Variants in AMZ1 observed in about 807,000 individuals in gnomAD.
AMZ1 encodes archaemetzincin-1.
A neutral mutation model predicts 29.9 loss-of-function variants in AMZ1; 39 were observed. The observed-to-expected ratio is 1.30, with a 90% confidence interval of 1.01 to 1.70. The LOEUF (loss-of-function observed/expected upper bound fraction) is 1.70. AMZ1 is among the 40% of genes most tolerant of loss of function. AMZ1 has a pLI of 0.00. For synonymous variants in AMZ1, 458 were observed against 304.0 expected, an observed-to-expected ratio of 1.51 and a Z score of -5.27; for missense variants, 1,041 against 680.6, an observed-to-expected ratio of 1.53 and a Z score of -5.89.
chr7:2,687,912 C>CT (rs1285233080), upstream of AMZ1, among the ~76,000 whole-genome samples: 1 of 152,190 alleles, frequency 6.6e-6, no homozygotes, highest in Non-Finnish European at 1.5e-5. Flanking sequence ...CACCTGGCGC[C>CT]TTGCAGAGTA....
In AMZ1 at chr7:2,702,904, C is replaced by T; in HGVS notation, c.472+15C>T. ...GCTCCACACAGGTGAGTGAGGACGG[C>T]AGCCGCCGCTCAGGCCAAGGCAGGC... On this transcript the variant is annotated intron_variant, in intron 3 of 6. Coordinates refer to ENST00000683327, the MANE Select transcript of AMZ1 (RefSeq NM_001384743.1). 1 of 1,570,732 alleles carries T rather than the reference C, an allele frequency of 6.4e-7. No individual in the cohort carries two copies. The highest frequency in any genetic ancestry group is 8.6e-7 in the Non-Finnish European group (1 of 1,165,420).
At chr7:2,750,148 G>C (rs534951982) in intron 4 of AMZ1, among the ~76,000 whole-genome samples, 1 of 152,252 alleles carries the variant, frequency 6.6e-6, no homozygotes, top group Non-Finnish European at 1.5e-5. Context: ...AGACTCTCCG[G>C]TCTGACATGT....
Position 2,709,670 on chromosome 7 carries a change from G to C in AMZ1, c.802G>C (p.Gly268Arg). Reference sequence around the variant, plus strand: ...GTGCCACGAGCTCTGCCACCTTCTGGGCCTGGGGAACTGCCGCTGGCTCCG... The same window carrying C: ...GTGCCACGAGCTCTGCCACCTTCTGCGCCTGGGGAACTGCCGCTGGCTCCG... ...VTCHELCHLLGLGNCRWLRCL... is the reference protein window; with the variant it reads ...VTCHELCHLLRLGNCRWLRCL... The change falls in exon 6 of 7, where the codon GGC (glycine) becomes CGC (arginine). Residue 268 changes from glycine (G) to arginine (R), a missense_variant. Physicochemically the swap from Gly to Arg is moderately radical, Grantham distance 125 (BLOSUM62 -2). Transcript: ENST00000683327. The C allele has an allele frequency of 6.2e-7, 1 of 1,610,520 alleles. No individual in the cohort carries two copies. Among genetic ancestry groups the C allele is most frequent in the Non-Finnish European group, 8.5e-7 (1 of 1,179,600 alleles).
intron 4 of AMZ1, among the ~76,000 whole-genome samples, chr7:2,738,781 C>T (rs1790343417): frequency 6.6e-6 from 1 of 152,134 alleles, no homozygotes; most frequent in African/African-American, 2.4e-5. Context: ...CCCAATAGGA[C>T]AATAAGGTTA....
intron 1 of AMZ1, among the ~76,000 whole-genome samples, chr7:2,696,981 T>C (rs1220381249): frequency 6.6e-6 from 1 of 152,232 alleles, no homozygotes; most frequent in African/African-American, 2.4e-5. Context: ...ATCACGATCC[T>C]TCAAACATCC....
chr7:2,740,653 T>C (rs1790452426), intron 4 of AMZ1, among the ~76,000 whole-genome samples: 1 of 152,212 alleles, frequency 6.6e-6, no homozygotes, highest in African/African-American at 2.4e-5. Flanking sequence ...AACAACATGT[T>C]AATACTGGGC....
intron 3 of AMZ1, among the ~76,000 whole-genome samples, chr7:2,707,510 T>A (rs1415817046): frequency 6.6e-6 from 1 of 151,888 alleles, no homozygotes; most frequent in Non-Finnish European, 1.5e-5. Context: ...CGTGCCCAGG[T>A]TCAGCCCCTG....
intron 1 of AMZ1, 24 bp downstream of exon 1, chr7:2,688,320 T>C (rs1787172547): frequency 6.7e-6 from 1 of 149,080 alleles, no homozygotes; most frequent in Non-Finnish European, 1.5e-5. Flanking sequence ...CGGGGAAGAC[T>C]CGGGGGCGCA....
upstream of AMZ1, among the ~76,000 whole-genome samples, chr7:2,685,896 A>G (rs1301136437): frequency 1.3e-5 from 2 of 151,034 alleles, no homozygotes; most frequent in African/African-American, 4.9e-5. Flanking sequence ...ATCTTTTCTC[A>G]GGTTCTGGGT....
chr7:2,711,429 G>A (rs561329892), intron 6 of AMZ1, among the ~76,000 whole-genome samples: 2 of 152,370 alleles, frequency 1.3e-5, no homozygotes, highest in South Asian at 4.1e-4. Context: ...AGCTCCCAAT[G>A]TGATGTCAGT....
At position 2,717,342 on chromosome 7, in the gene AMZ1, G is replaced by C. The variant is rs1438653809; in HGVS notation, c.*4464G>C. Among the ~76,000 whole-genome samples, 2 of 152,248 alleles carry C rather than the reference G, an allele frequency of 1.3e-5. No individual in the cohort carries two copies. On this transcript the variant is annotated 3_prime_UTR_variant, in exon 7 of 7. Coordinates refer to ENST00000683327, the MANE Select transcript of AMZ1 (RefSeq NM_001384743.1). ...CTGAACTGGGTCTGCCTGCCTGTGT[G>C]CTGGAAGCAAACGACGGCCCGTCCT...
At chr7:2,686,484 C>T (rs1015590623), upstream of AMZ1, among the ~76,000 whole-genome samples, 4 of 151,982 alleles carry the variant, frequency 2.6e-5, no homozygotes, top group South Asian at 2.1e-4. Context: ...CAGTGACTCG[C>T]GTTTATACCA....
intron 4 of AMZ1, among the ~76,000 whole-genome samples, chr7:2,745,228 A>G (rs563268797): frequency 2.6e-4 from 40 of 152,364 alleles, no homozygotes; most frequent in African/African-American, 8.9e-4. Flanking sequence ...CAGATTCACC[A>G]AAGTTGAAAT....
intron 4 of AMZ1, among the ~76,000 whole-genome samples, chr7:2,757,615 G>A (rs1006986071): frequency 5.9e-5 from 9 of 152,210 alleles, no homozygotes; most frequent in African/African-American, 2.2e-4. Flanking sequence ...GGATGCCCAG[G>A]CTGCTGACCC....
Position 2,731,395 on chromosome 7 carries a change from T to C in AMZ1, n.550+21579T>C, listed in dbSNP as rs1789887596. The C allele has an allele frequency of 1.9e-6, 3 of 1,613,384 alleles. No homozygotes were observed. Among genetic ancestry groups the C allele is most frequent in the Non-Finnish European group, 2.5e-6 (3 of 1,179,470 alleles). On this transcript the variant is annotated intron_variant and non_coding_transcript_variant, in intron 4 of 4. Coordinates refer to the AMZ1 transcript ENST00000489665. This position sits in a 1 kb window ranked among gnomAD's most constrained non-coding sequence, Gnocchi z 6.0. Reference sequence around the variant, plus strand: ...GCCCCTGAAGTCCGGGAAGTGCTTCTTGATGCTCACGGTCTTCACCTTCTC... The same window carrying C: ...GCCCCTGAAGTCCGGGAAGTGCTTCCTGATGCTCACGGTCTTCACCTTCTC...
At chr7:2,752,763 T>G (rs1200328895) in intron 4 of AMZ1, among the ~76,000 whole-genome samples, 1 of 152,218 alleles carries the variant, frequency 6.6e-6, no homozygotes. Flanking sequence ...TAATTATAGA[T>G]GCATAGGAAG....
intron 4 of AMZ1, among the ~76,000 whole-genome samples, chr7:2,727,606 A>G (rs545935361): frequency 3.4e-4 from 51 of 152,094 alleles, no homozygotes; most frequent in Admixed American, 9.8e-4. Context: ...CACTCAAGCA[A>G]TTCTCCCACC....
At chr7:2,757,129 C>CTTTTTTTTTT (rs71026549) in intron 4 of AMZ1, among the ~76,000 whole-genome samples, 20 of 93,994 alleles carry the variant, frequency 2.1e-4, no homozygotes, top group African/African-American at 7.8e-4. Context: ...TCAGGTGGGC[C>CTTTTTTTTTT]TTTTTTTTTT....
Position 2,731,011 on chromosome 7 carries a change from T to C in AMZ1, n.550+21195T>C. On this transcript the variant is annotated intron_variant and non_coding_transcript_variant, in intron 4 of 4. Coordinates refer to the AMZ1 transcript ENST00000489665. The surrounding 1 kb of genome is among the most constrained non-coding windows in gnomAD (Gnocchi z 6.0). The stretch of plus-strand genomic sequence containing the variant: ...AGCTAACGTGACAGTTTCCATGTCC[T>C]TTTGCCTAGAGCTCGCTGGCTGGCT... 1 of 552,662 alleles carries C rather than the reference T, an allele frequency of 1.8e-6. No individual in the cohort carries two copies. 34.2% of individuals were successfully genotyped at this position (552,662 alleles called of 1,614,324 possible).
Sources: gnomAD v4.1 joint callset for allele counts (sites outside exome capture counted in the v4.1 genomes callset) on GRCh38, gnomAD v4.1.1 for gene constraint, Gnocchi (gnomAD v3.1) non-coding constraint, MANE v1.5 for transcripts, NCBI Gene and HGNC (gene_info 2026-07-23, HGNC 2026-07-21) for gene names.